BCAS3: variants seen among roughly 807,000 people sequenced by gnomAD.
BCAS3 encodes BCAS4/BCAS3 fusion.
A neutral mutation model predicts 116.1 loss-of-function variants in BCAS3; 53 were observed. The ratio of observed to expected loss-of-function variants is 0.46; its 90% CI spans 0.37 to 0.57. The LOEUF (loss-of-function observed/expected upper bound fraction) is 0.57, where lower values mean the gene tolerates loss of function less well. Ranked by LOEUF, BCAS3 falls within the 20% of genes least tolerant of loss-of-function variation. The probability of loss-of-function intolerance (pLI) is 0.00; values close to 1 mark genes in which losing one functional copy is unlikely to be tolerated. For missense variants in BCAS3, 917 were observed against 1,165.4 expected, an observed-to-expected ratio of 0.79 and a Z score of 3.10; for synonymous variants, 391 against 408.2, an observed-to-expected ratio of 0.96 and a Z score of 0.51.
At position 60,893,022 on chromosome 17, in the gene BCAS3, A is replaced by AT. The variant is rs201388944; in HGVS notation, c.738+3260dup. 6.2e-3 allele frequency among the ~76,000 whole-genome samples: 940 copies of AT among 150,986 alleles called. 6 individuals are homozygous for AT. Among genetic ancestry groups the AT allele is most frequent in the African/African-American group, 0.022 (892 of 41,126 alleles). On this transcript the variant is annotated intron_variant, in intron 10 of 23. Coordinates refer to ENST00000407086, the MANE Select transcript of BCAS3 (RefSeq NM_017679.5). ...TCTCTGAATATTAGTGATGTTGAAC[A>AT]TTTTTTTTTCATTTGTTTGTTGGCC...
chr17:60,712,503 G>A (rs2038057935), intron 5 of BCAS3, among the ~76,000 whole-genome samples: 4 of 152,180 alleles, frequency 2.6e-5, no homozygotes, highest in Admixed American at 2.0e-4. Context: ...TGTTTTACAG[G>A]TGGTAAGGTC....
intron 14 of BCAS3, among the ~76,000 whole-genome samples, chr17:60,970,797 A>G (rs145609300): frequency 2.6e-5 from 4 of 152,316 alleles, no homozygotes; most frequent in Non-Finnish European, 4.4e-5. Flanking sequence ...TACAATCAGC[A>G]TTGTTGATTT....
Position 61,251,457 on chromosome 17 carries a change from C to G in BCAS3, c.2426-116870C>G, listed in dbSNP as rs1163754120. Among the ~76,000 whole-genome samples the G allele has an allele frequency of 6.6e-6, 1 of 151,966 alleles. No homozygotes were observed. The highest frequency in any genetic ancestry group is 2.4e-5 in the African/African-American group (1 of 41,368). On this transcript the variant is annotated intron_variant, in intron 22 of 23. Transcript: ENST00000407086. This position sits in a 1 kb window ranked among gnomAD's most constrained non-coding sequence, Gnocchi z 4.7. ...TGGTGGCGGGCGCCTATAATCCCAACTACTAGGGAGGCTGAGGCAGGAGAA... is the reference window on the plus strand; with the variant it reads ...TGGTGGCGGGCGCCTATAATCCCAAGTACTAGGGAGGCTGAGGCAGGAGAA...
intron 14 of BCAS3, among the ~76,000 whole-genome samples, chr17:60,957,376 A>G (rs1374251518): frequency 2.6e-5 from 4 of 152,174 alleles, no homozygotes; most frequent in Non-Finnish European, 5.9e-5. Flanking sequence ...TAGTGTGAAC[A>G]TGTTCCAAAT....
chr17:61,339,104 T>G lies in BCAS3; in HGVS notation c.2426-29223T>G, dbSNP rs1211224679. Among the ~76,000 whole-genome samples the G allele has an allele frequency of 1.3e-5, 2 of 152,024 alleles. No individual in the cohort carries two copies. Among genetic ancestry groups the G allele is most frequent in the Admixed American group, 6.5e-5 (1 of 15,270 alleles). On this transcript the variant is annotated intron_variant, in intron 22 of 23. Coordinates refer to ENST00000407086, the MANE Select transcript of BCAS3 (RefSeq NM_017679.5). This position sits in a 1 kb window ranked among gnomAD's most constrained non-coding sequence, Gnocchi z 4.4. ...TGTTCTTTTGGACTCTATTACTCAA[T>G]CAGTGACATGTGACCCCCTGGGAAG...
rs2065216377 is a variant in BCAS3 at position 61,013,054 on chromosome 17, C to T, written c.1487-2697C>T. Among the ~76,000 whole-genome samples the T allele has an allele frequency of 6.6e-6, 1 of 151,994 alleles. No individual in the cohort carries two copies. Among genetic ancestry groups the T allele is most frequent in the Non-Finnish European group, 1.5e-5 (1 of 67,948 alleles). On this transcript the variant is annotated intron_variant, in intron 15 of 23. Coordinates refer to ENST00000407086, the MANE Select transcript of BCAS3 (RefSeq NM_017679.5). The surrounding 1 kb of genome is among the most constrained non-coding windows in gnomAD (Gnocchi z 4.4). ...TCTCCCCTCACGTTATCCTTCATGC[C>T]CAGAATATTCCTTCTCTCCTACCCT...
chr17:60,754,279 C>T (rs528380927), intron 6 of BCAS3, among the ~76,000 whole-genome samples: 7 of 152,292 alleles, frequency 4.6e-5, no homozygotes, highest in Admixed American at 1.3e-4. Flanking sequence ...AATCATGGCT[C>T]ATTGCAGTCT....
intron 22 of BCAS3, among the ~76,000 whole-genome samples, chr17:61,289,366 A>G (rs1173061909): frequency 1.3e-5 from 2 of 152,108 alleles, no homozygotes; most frequent in African/African-American, 4.8e-5. Context: ...TTCGCTTGTA[A>G]TTTCTCAACA....
intron 22 of BCAS3, among the ~76,000 whole-genome samples, chr17:61,246,603 C>T (rs547117272): frequency 1.4e-4 from 21 of 152,088 alleles, no homozygotes; most frequent in Middle Eastern, 6.8e-3. Context: ...AGGGGTGGCA[C>T]CTGACACGGC....
intron 7 of BCAS3, among the ~76,000 whole-genome samples, chr17:60,853,709 T>A (rs1196009443): frequency 1.3e-5 from 2 of 152,162 alleles, no homozygotes; most frequent in Non-Finnish European, 2.9e-5. Flanking sequence ...AATGGATGAA[T>A]GCATATTTAA....
rs1023624099 is a variant in BCAS3, at chr17:61,043,747, A to G, written c.2029+2855A>G. On this transcript the variant is annotated intron_variant, in intron 19 of 23. Coordinates refer to ENST00000407086, the MANE Select transcript of BCAS3 (RefSeq NM_017679.5). ...CTTGCACCCTGAGCTGCCAGGATAT[A>G]GGCTCTGTCCACCCACAACTCTGAA... Among the ~76,000 whole-genome samples the G allele has an allele frequency of 2.6e-5, 4 of 152,034 alleles. No homozygotes were observed. In the South Asian group the frequency reaches 6.2e-4, roughly 24 times the overall value.
rs528875857 is a variant in BCAS3 at position 61,268,732 on chromosome 17, A to G, written c.2426-99595A>G. Among the ~76,000 whole-genome samples, 51 of 151,946 alleles carry G rather than the reference A, an allele frequency of 3.4e-4. 1 individual carries two copies. Among genetic ancestry groups the G allele is most frequent in the Non-Finnish European group, 6.0e-4 (41 of 67,954 alleles). On this transcript the variant is annotated intron_variant, in intron 22 of 23. Coordinates refer to ENST00000407086, the MANE Select transcript of BCAS3 (RefSeq NM_017679.5). ...ACCACCAAACCCAGCTAATTTTTGTATTTTGAGTAGAGCTGGAGTTTCACC... is the reference window on the plus strand; with the variant it reads ...ACCACCAAACCCAGCTAATTTTTGTGTTTTGAGTAGAGCTGGAGTTTCACC...
At chr17:61,005,418 A>C (rs989419300) in intron 15 of BCAS3, among the ~76,000 whole-genome samples, 19 of 152,206 alleles carry the variant, frequency 1.2e-4, no homozygotes, top group Admixed American at 3.9e-4. Context: ...ATGTTTTAAA[A>C]CTGGAAATAA....
At chr17:61,288,739 A>C (rs2052078533) in intron 22 of BCAS3, among the ~76,000 whole-genome samples, 1 of 152,178 alleles carries the variant, frequency 6.6e-6, no homozygotes, top group African/African-American at 2.4e-5. Flanking sequence ...GCCTAGAAAG[A>C]AGCTACCACC....
Position 61,380,540 on chromosome 17 carries a change from C to G in BCAS3, c.2594-11437C>G, listed in dbSNP as rs1438828514. 7 of 1,598,268 alleles carry G rather than the reference C, an allele frequency of 4.4e-6. No individual in the cohort carries two copies. The South Asian group carries it at 6.6e-5, about 15-fold the overall frequency. The stretch of plus-strand genomic sequence containing the variant: ...TTGACGTAGCAGTAAAAACCTTCCC[C>G]CCTGAGAGACACGTGGCAGTGAAGT... On this transcript the variant is annotated intron_variant, in intron 23 of 23. Coordinates refer to ENST00000407086, the MANE Select transcript of BCAS3 (RefSeq NM_017679.5). The surrounding 1 kb of genome is among the most constrained non-coding windows in gnomAD (Gnocchi z 4.2).
Position 61,041,261 on chromosome 17 carries a change from CTT to C in BCAS3, c.2029+370_2029+371del, listed in dbSNP as rs2067485688. On this transcript the variant is annotated intron_variant, in intron 19 of 23. Transcript: ENST00000407086. This position sits in a 1 kb window ranked among gnomAD's most constrained non-coding sequence, Gnocchi z 4.7. ...ACATGGAAAAAAAAAAACCCCAAAA[CTT>C]AGCACAGTTAAAAGTGCAACTATGA... Among the ~76,000 whole-genome samples, 1 of 151,068 alleles carries C rather than the reference CTT, an allele frequency of 6.6e-6. No homozygotes were observed. Among genetic ancestry groups the C allele is most frequent in the African/African-American group, 2.4e-5 (1 of 40,998 alleles).
chr17:61,051,474 TG>T lies in BCAS3; in HGVS notation c.2029+10583del, dbSNP rs1352264429. On this transcript the variant is annotated intron_variant, in intron 19 of 23. Transcript: ENST00000407086. The surrounding 1 kb of genome is among the most constrained non-coding windows in gnomAD (Gnocchi z 4.1). Reference sequence around the variant, plus strand: ...CTGTATATGTAAATTTCATTATATCTGAATAAAGTCTCTGGATTGTATCAAT... The same window carrying T: ...CTGTATATGTAAATTTCATTATATCTAATAAAGTCTCTGGATTGTATCAAT... Among the ~76,000 whole-genome samples, 1 of 152,228 alleles carries T rather than the reference TG, an allele frequency of 6.6e-6. No homozygotes were observed. The highest frequency in any genetic ancestry group is 1.5e-5 in the Non-Finnish European group (1 of 68,038).
In BCAS3 at chr17:61,315,639, T is replaced by G. The variant is rs2054665276; in HGVS notation, c.2426-52688T>G. ...TCCTGTCCCCAAGGACTCTACAGCC[T>G]CAGCCTCACCCATCGATGCTTCCCC... On this transcript the variant is annotated intron_variant, in intron 22 of 23. Coordinates refer to ENST00000407086, the MANE Select transcript of BCAS3 (RefSeq NM_017679.5). This position sits in a 1 kb window ranked among gnomAD's most constrained non-coding sequence, Gnocchi z 5.3. 6.6e-6 allele frequency among the ~76,000 whole-genome samples: 1 copy of G among 152,166 alleles called. No homozygotes were observed. Among genetic ancestry groups the G allele is most frequent in the Non-Finnish European group, 1.5e-5 (1 of 68,030 alleles).
intron 6 of BCAS3, among the ~76,000 whole-genome samples, chr17:60,769,841 C>T (rs915389271): frequency 1.3e-5 from 2 of 151,896 alleles, no homozygotes; most frequent in African/African-American, 4.8e-5. Context: ...GTGGTGTGAT[C>T]TCCGCTCACT....
Sources: allele counts gnomAD v4.1 joint callset (sites outside exome capture counted in the v4.1 genomes callset), GRCh38; gene constraint gnomAD v4.1.1; non-coding constraint Gnocchi (gnomAD v3.1); transcripts MANE v1.5; gene names NCBI Gene and HGNC (gene_info 2026-07-23, HGNC 2026-07-21).